EPHA3: variants seen among roughly 807,000 people sequenced by gnomAD.
EPHA3 encodes the protein ephrin type-A receptor 3.
In EPHA3, 42 loss-of-function variants were observed where a neutral mutation model predicts 107.1. The ratio of observed to expected loss-of-function variants is 0.39; its 90% CI spans 0.31 to 0.51. The LOEUF (loss-of-function observed/expected upper bound fraction) is 0.51. Ranked by LOEUF, EPHA3 falls within the 20% of genes least tolerant of loss-of-function variation. The probability of loss-of-function intolerance (pLI) is 0.78; values close to 1 mark genes in which losing one functional copy is unlikely to be tolerated. For missense variants in EPHA3, 1,183 were observed against 1,211.2 expected, an observed-to-expected ratio of 0.98 and a Z score of 0.35; for synonymous variants, 461 against 424.8, an observed-to-expected ratio of 1.09 and a Z score of -1.05.
intron 16 of EPHA3, among the ~76,000 whole-genome samples, chr3:89,474,602 C>G (rs7647678): frequency 1.3e-5 from 2 of 152,142 alleles, no homozygotes; most frequent in African/African-American, 2.4e-5. Flanking sequence ...AATAAAATAT[C>G]AACACTCAAA....
At chr3:89,234,671 TTCCTTTCCTCCTTTCC>T (rs201528961) in intron 3 of EPHA3, among the ~76,000 whole-genome samples, 1 of 151,910 alleles carries the variant, frequency 6.6e-6, no homozygotes, top group South Asian at 2.1e-4. Context: ...TCTTCCTTTC[TTCCTTTCCTCCTTTCC>T]TCCTTTCCTT....
intron 2 of EPHA3, among the ~76,000 whole-genome samples, chr3:89,207,888 G>A (rs1706144442): frequency 1.3e-5 from 2 of 152,100 alleles, no homozygotes; most frequent in South Asian, 4.1e-4. Context: ...AATATGAAGA[G>A]ACCTGCCTAA....
intron 3 of EPHA3, among the ~76,000 whole-genome samples, chr3:89,325,108 C>T (rs1454201340): frequency 6.6e-6 from 1 of 152,030 alleles, no homozygotes; most frequent in Non-Finnish European, 1.5e-5. Flanking sequence ...TGATGGGCAC[C>T]TCGGTTGATT....
At chr3:89,365,668 C>T (rs1708172056) in intron 5 of EPHA3, among the ~76,000 whole-genome samples, 1 of 150,536 alleles carries the variant, frequency 6.6e-6, no homozygotes, top group Admixed American at 6.7e-5. Flanking sequence ...AGGGACTATT[C>T]ACACACATTG....
intron 13 of EPHA3, among the ~76,000 whole-genome samples, chr3:89,435,046 A>G (rs1043063534): frequency 1.3e-5 from 2 of 152,016 alleles, no homozygotes; most frequent in Admixed American, 6.6e-5. Context: ...TTTACTCTAA[A>G]TATGAGGTAT....
intron 1 of EPHA3, 117 bp from the exon 2 acceptor site, chr3:89,127,091 GA>G: frequency 1.3e-6 from 1 of 747,336 alleles, no homozygotes; most frequent in Non-Finnish European, 2.3e-6. Flanking sequence ...GACTTATAAT[GA>G]GAAGGAAGAG....
chr3:89,297,473 C>T (rs1404433072), intron 3 of EPHA3, among the ~76,000 whole-genome samples: 3 of 152,064 alleles, frequency 2.0e-5, no homozygotes, highest in East Asian at 1.9e-4. Context: ...ATTAAGGTTG[C>T]CATCTTTTAT....
chr3:89,240,946 A>G (rs1172033123), intron 3 of EPHA3, among the ~76,000 whole-genome samples: 2 of 152,124 alleles, frequency 1.3e-5, no homozygotes, highest in Non-Finnish European at 2.9e-5. Flanking sequence ...CTTGAAAATT[A>G]AGGACATGGA....
At chr3:89,289,275 G>C (rs1055150175) in intron 3 of EPHA3, among the ~76,000 whole-genome samples, 1 of 152,102 alleles carries the variant, frequency 6.6e-6, no homozygotes, top group Non-Finnish European at 1.5e-5. Flanking sequence ...GCTGAGGCTT[G>C]GTTCTGCCTT....
At position 89,412,879 on chromosome 3, in the gene EPHA3, A is replaced by G. The variant is rs547516857; in HGVS notation, c.1763-262A>G. 1.4e-4 allele frequency among the ~76,000 whole-genome samples: 21 copies of G among 151,738 alleles called. No individual in the cohort carries two copies. In the South Asian group the frequency reaches 2.1e-3, roughly 15 times the overall value. On this transcript the variant is annotated intron_variant, in intron 9 of 16. Transcript: ENST00000336596. ...CTTCTTAAGATCCCCTTTTTTGAGT[A>G]TGCATTTTCCTTCTGATGTTTTTGC...
chr3:89,301,124 T>C (rs1166168903), intron 3 of EPHA3, among the ~76,000 whole-genome samples: 4 of 151,998 alleles, frequency 2.6e-5, no homozygotes, highest in African/African-American at 9.7e-5. Flanking sequence ...AAATAAGAAA[T>C]ACCATTTAGG....
intron 3 of EPHA3, among the ~76,000 whole-genome samples, chr3:89,222,333 A>G (rs961354659): frequency 1.0e-5 from 1 of 95,908 alleles, no homozygotes; most frequent in Non-Finnish European, 2.1e-5. Context: ...ATACATATAT[A>G]TATATATATA....
intron 13 of EPHA3, among the ~76,000 whole-genome samples, chr3:89,433,592 T>C (rs1206108775): frequency 6.6e-6 from 1 of 152,184 alleles, no homozygotes; most frequent in East Asian, 1.9e-4. Context: ...ACTTTGTTCA[T>C]GAATCTAAAT....
At chr3:89,179,330 G>A (rs1158836008) in intron 2 of EPHA3, among the ~76,000 whole-genome samples, 2 of 152,074 alleles carry the variant, frequency 1.3e-5, no homozygotes, top group African/African-American at 2.4e-5. Flanking sequence ...AGTTATCAGA[G>A]AAGGGGTTTT....
At chr3:89,173,568 T>C (rs1010210492) in intron 2 of EPHA3, among the ~76,000 whole-genome samples, 12 of 152,248 alleles carry the variant, frequency 7.9e-5, no homozygotes, top group Middle Eastern at 3.4e-3. Flanking sequence ...TATTATTAAA[T>C]GTTTTTATTA....
chr3:89,329,659 G>T (rs1340925144), intron 3 of EPHA3, among the ~76,000 whole-genome samples: 2 of 151,956 alleles, frequency 1.3e-5, no homozygotes, highest in Non-Finnish European at 2.9e-5. Flanking sequence ...GAAAAAAAAT[G>T]GTTATCTCTA....
intron 16 of EPHA3, 137 bp from the exon 17 acceptor site, chr3:89,479,259 TA>T: frequency 1.4e-6 from 1 of 696,290 alleles, no homozygotes; most frequent in Admixed American, 2.3e-5. Flanking sequence ...GGTCCGGACA[TA>T]ACACAGATGA....
chr3:89,126,106 A>G (rs1217992820), intron 1 of EPHA3, among the ~76,000 whole-genome samples: 1 of 151,654 alleles, frequency 6.6e-6, no homozygotes, highest in Non-Finnish European at 1.5e-5. Flanking sequence ...CGGTGTATGT[A>G]TTTACATTAT....
At chr3:89,403,897 C>T (rs1361027980) in intron 7 of EPHA3, among the ~76,000 whole-genome samples, 1 of 151,916 alleles carries the variant, frequency 6.6e-6, no homozygotes, top group Non-Finnish European at 1.5e-5. Context: ...CCTCATATAG[C>T]CTCATATAGT....
Sources: gnomAD v4.1 joint callset for allele counts (sites outside exome capture counted in the v4.1 genomes callset) on GRCh38, gnomAD v4.1.1 for gene constraint, MANE v1.5 for transcripts, NCBI Gene and HGNC (gene_info 2026-07-23, HGNC 2026-07-21) for gene names.